Variants in KIF26B observed in about 807,000 individuals in gnomAD.
KIF26B encodes kinesin-like protein KIF26B.
In KIF26B, 63 loss-of-function variants were observed where a neutral mutation model predicts 151.2. That is an observed-to-expected ratio of 0.42 (90% CI 0.34 to 0.51). KIF26B has a LOEUF of 0.51. Among genes scored for constraint, KIF26B ranks in the 20% least tolerant of loss-of-function variants. The pLI is 0.07. For synonymous variants in KIF26B, 1,357 were observed against 1,262.1 expected (o/e 1.08, Z -1.59); for missense variants, 2,813 against 2,913.6 (o/e 0.97, Z 0.79).
chr1:245,426,302 C>G (rs1170537551), intron 4 of KIF26B, among the ~76,000 whole-genome samples: 1 of 151,780 alleles, frequency 6.6e-6, no homozygotes, highest in East Asian at 1.9e-4. Context: ...AAATATGTCT[C>G]TCCTGGGTCT....
At chr1:245,561,887 A>G (rs903992419) in intron 5 of KIF26B, among the ~76,000 whole-genome samples, 1 of 152,168 alleles carries the variant, frequency 6.6e-6, no homozygotes, top group Non-Finnish European at 1.5e-5. Flanking sequence ...ACTGACGTAA[A>G]TGTCAGAGGT....
At chr1:245,628,758 A>G (rs1213334702) in intron 9 of KIF26B, among the ~76,000 whole-genome samples, 1 of 152,220 alleles carries the variant, frequency 6.6e-6, no homozygotes, top group Non-Finnish European at 1.5e-5. Context: ...CAGGGCAATC[A>G]GACAAGAGGA....
intron 2 of KIF26B, among the ~76,000 whole-genome samples, chr1:245,310,463 T>C (rs909395886): frequency 3.9e-5 from 6 of 152,226 alleles, no homozygotes; most frequent in African/African-American, 1.2e-4. Context: ...CTTAGCATCA[T>C]GACAATATTC....
chr1:245,214,954 T>G (rs910171669), intron 2 of KIF26B, among the ~76,000 whole-genome samples: 4 of 152,128 alleles, frequency 2.6e-5, no homozygotes, highest in African/African-American at 9.7e-5. Context: ...GGGAGGCATC[T>G]TGGGAGATCG....
At chr1:245,438,869 G>A (rs1658995573) in intron 4 of KIF26B, among the ~76,000 whole-genome samples, 1 of 152,280 alleles carries the variant, frequency 6.6e-6, no homozygotes, top group South Asian at 2.1e-4. Context: ...GTGACAGGAA[G>A]CATATCAGTG....
At chr1:245,156,120 C>G (rs1668426540) in intron 1 of KIF26B, among the ~76,000 whole-genome samples, 162 bp from the exon 2 acceptor site, 1 of 152,190 alleles carries the variant, frequency 6.6e-6, no homozygotes, top group African/African-American at 2.4e-5. Context: ...GGACAATTAA[C>G]GAGACAGACG....
In KIF26B at chr1:245,600,124, C is replaced by A. The variant is rs530686245; in HGVS notation, c.1351-2453C>A. Among the ~76,000 whole-genome samples, 178 of 142,126 alleles carry A rather than the reference C, an allele frequency of 1.3e-3. No individual in the cohort carries two copies. The Middle Eastern group carries it at 0.021, about 17-fold the overall frequency. The allele number at this position is 142,126 out of a possible 152,430, so 93.2% of individuals were successfully genotyped here. On this transcript the variant is annotated intron_variant, in intron 5 of 14. Coordinates refer to ENST00000407071, the MANE Select transcript of KIF26B (RefSeq NM_018012.4). ...CGTGATCTTGGCTCACCACAACCTC[C>A]GCTTCCCGGGTTCACGCCATTCTTC...
At chr1:245,205,359 G>A (rs1329129829) in intron 2 of KIF26B, among the ~76,000 whole-genome samples, 1 of 152,130 alleles carries the variant, frequency 6.6e-6, no homozygotes, top group Non-Finnish European at 1.5e-5. Context: ...TGTATGGAAA[G>A]TATACTAATT....
intron 4 of KIF26B, among the ~76,000 whole-genome samples, chr1:245,440,431 G>GATAGGGAACTATCCCT (rs1659050130): frequency 6.6e-6 from 1 of 152,178 alleles, no homozygotes; most frequent in Admixed American, 6.5e-5. Context: ...AGACGGGGAA[G>GATAGGGAACTATCCCT]AAGCAGCCTT....
intron 3 of KIF26B, among the ~76,000 whole-genome samples, chr1:245,383,402 G>C (rs998669954): frequency 6.6e-6 from 1 of 152,174 alleles, no homozygotes; most frequent in Non-Finnish European, 1.5e-5. Flanking sequence ...TTCGTGCAGG[G>C]TCCACTCTCC....
chr1:245,635,443 G>T (rs1408791066), intron 9 of KIF26B, among the ~76,000 whole-genome samples: 1 of 151,824 alleles, frequency 6.6e-6, no homozygotes, highest in Non-Finnish European at 1.5e-5. Context: ...TTATCTTTTT[G>T]ATATCTGTAG....
chr1:245,357,178 G>A (rs1304087901), intron 2 of KIF26B, among the ~76,000 whole-genome samples: 2 of 152,218 alleles, frequency 1.3e-5, no homozygotes, highest in Admixed American at 1.3e-4. Context: ...AGGAAGTGGG[G>A]CGGGGGCCAG....
chr1:245,388,881 C>T (rs1163053761), intron 3 of KIF26B, among the ~76,000 whole-genome samples: 1 of 152,200 alleles, frequency 6.6e-6, no homozygotes, highest in African/African-American at 2.4e-5. Context: ...CTGTGCGCAC[C>T]TTTGCCTGAA....
At chr1:245,434,858 G>A (rs1271858741) in intron 4 of KIF26B, among the ~76,000 whole-genome samples, 3 of 152,000 alleles carry the variant, frequency 2.0e-5, no homozygotes, top group Non-Finnish European at 4.4e-5. Context: ...CTTCCTCACT[G>A]TCTTATGGCT....
intron 4 of KIF26B, among the ~76,000 whole-genome samples, chr1:245,443,416 C>A (rs1659166218): frequency 1.0e-5 from 1 of 96,898 alleles, no homozygotes; most frequent in African/African-American, 4.8e-5. Context: ...GAGGTCATCT[C>A]CCTCACTGTT....
At chr1:245,234,989 G>C (rs1022664605) in intron 2 of KIF26B, among the ~76,000 whole-genome samples, 1 of 152,100 alleles carries the variant, frequency 6.6e-6, no homozygotes, top group Non-Finnish European at 1.5e-5. Context: ...GAGTCCGTGG[G>C]AGAGATCTGC....
intron 2 of KIF26B, among the ~76,000 whole-genome samples, chr1:245,344,432 C>T (rs535278398): frequency 3.8e-4 from 56 of 145,816 alleles, no homozygotes; most frequent in Non-Finnish European, 6.0e-4. Flanking sequence ...AGGGCGGAGC[C>T]TGCAGTGAGC....
At position 245,366,802 on chromosome 1, in the gene KIF26B, A is replaced by C. The variant is rs1161319288; in HGVS notation, c.466-32A>C. 5 of 1,602,462 alleles carry C rather than the reference A, an allele frequency of 3.1e-6. No homozygotes were observed. The Middle Eastern group carries it at 5.0e-4, about 160-fold the overall frequency. On this transcript the variant is annotated intron_variant, in intron 2 of 14. Coordinates refer to ENST00000407071, the MANE Select transcript of KIF26B (RefSeq NM_018012.4). ...GCACTAGCAGCCTTGGAGTTATAGAATCTCCTCTCCCTCTGCTTCTGTGTT... is the reference window on the plus strand; with the variant it reads ...GCACTAGCAGCCTTGGAGTTATAGACTCTCCTCTCCCTCTGCTTCTGTGTT...
Position 245,349,771 on chromosome 1 carries a change from T to G in KIF26B, c.466-17063T>G, listed in dbSNP as rs114584919. 7.3e-3 allele frequency among the ~76,000 whole-genome samples: 1,117 copies of G among 152,296 alleles called. 12 individuals are homozygous for G. The highest frequency in any genetic ancestry group is 8.1e-3 in the Non-Finnish European group (554 of 68,034). ...TAAATAATAATGTGGAAAGATCTGGTATTAATCAAGCCACTGTCTACAGCT... is the reference window on the plus strand; with the variant it reads ...TAAATAATAATGTGGAAAGATCTGGGATTAATCAAGCCACTGTCTACAGCT... On this transcript the variant is annotated intron_variant, in intron 2 of 14. Transcript: ENST00000407071.
Sources: allele counts gnomAD v4.1 joint callset (sites outside exome capture counted in the v4.1 genomes callset), GRCh38; gene constraint gnomAD v4.1.1; transcripts MANE v1.5; gene names NCBI Gene and HGNC (gene_info 2026-07-23, HGNC 2026-07-21).